RPS3A: variants seen among roughly 807,000 people sequenced by gnomAD.
RPS3A encodes small ribosomal subunit protein eS1.
Under a neutral mutation model 26.4 loss-of-function variants are expected in RPS3A, and 1 was observed. That is an observed-to-expected ratio of 0.04 (90% confidence interval 0.01 to 0.18). The LOEUF is 0.18. Among genes scored for constraint, RPS3A ranks in the 10% least tolerant of loss-of-function variants. The pLI, the probability that RPS3A is intolerant of heterozygous loss-of-function variation, is 1.00. For synonymous variants in RPS3A, 97 were observed against 106.1 expected, an observed-to-expected ratio of 0.91 and a Z score of 0.53; for missense variants, 139 against 326.8, an observed-to-expected ratio of 0.43 and a Z score of 4.43.
intron 1 of RPS3A, 147 bp from the exon 2 acceptor site, chr4:151,100,338 T>C (rs531263902): frequency 2.5e-5 from 15 of 594,492 alleles, no homozygotes; most frequent in African/African-American, 2.4e-4. Context: ...TAGATTTATG[T>C]TTGTTCCCCT....
At chr4:151,102,751 T>A in intron 3 of RPS3A, 120 bp from the exon 4 acceptor site, 1 of 1,139,462 alleles carries the variant, frequency 8.8e-7, no homozygotes, top group Non-Finnish European at 1.2e-6. Context: ...ATGTTACTTA[T>A]GTTAGGATAC....
intron 4 of RPS3A, 161 bp from the exon 5 acceptor site, chr4:151,104,016 A>G: frequency 6.7e-7 from 1 of 1,493,338 alleles, no homozygotes; most frequent in Non-Finnish European, 8.9e-7. Context: ...TTTACATGTG[A>G]AAGGTAAATA....
Position 151,100,562 on chromosome 4 carries a change from C to T in RPS3A, c.140C>T (p.Thr47Met). 6.3e-7 allele frequency: 1 copy of T among 1,598,048 alleles called. No homozygotes were observed. The highest frequency in any genetic ancestry group is 8.6e-7 in the Non-Finnish European group (1 of 1,165,464). Reference protein sequence around the residue: ...AMFNIRNIGKTLVTRTQGTKI... With the variant: ...AMFNIRNIGKMLVTRTQGTKI... ...TTCAATATAAGAAATATTGGAAAGA[C>T]GCTCGTCACCAGGACCCAAGGAACC... The change falls in exon 2 of 6, where the codon ACG becomes ATG. Residue 47 changes from threonine to methionine, a missense_variant. Coordinates refer to ENST00000274065, the MANE Select transcript of RPS3A (RefSeq NM_001006.5).
At chr4:151,104,030 G>A (rs1459192585) in intron 4 of RPS3A, 147 bp from the exon 5 acceptor site, 4 of 1,488,318 alleles carry the variant, frequency 2.7e-6, no homozygotes, top group Admixed American at 2.5e-5. Context: ...GTAAATAATG[G>A]CTTATCTTAA....
At position 151,104,449 on chromosome 4, in the gene RPS3A, T is replaced by TTTG. The variant is rs755244440; in HGVS notation, c.674-21_674-20insGTT. ...ACTAACAGTTTTTTGGTTTTTTTTT[T>TTTG]TTTTTTTTTTTTTGCCTTTTAGTGG... On this transcript the variant is annotated intron_variant, in intron 5 of 5. Transcript: ENST00000274065. The TTTG allele has an allele frequency of 2.2e-5, 30 of 1,393,750 alleles. No homozygotes were observed. The South Asian group carries it at 2.2e-4, about 10-fold the overall frequency. 86.3% of individuals were successfully genotyped at this position (1,393,750 alleles called of 1,614,324 possible).
chr4:151,100,336 T>G (rs1307150772), intron 1 of RPS3A, 149 bp from the exon 2 acceptor site: 14 of 593,308 alleles, frequency 2.4e-5, no homozygotes, highest in Non-Finnish European at 4.2e-5. Context: ...GCTAGATTTA[T>G]GTTTGTTCCC....
intron 3 of RPS3A, among the ~76,000 whole-genome samples, chr4:151,102,377 G>A (rs1487279983): frequency 6.6e-6 from 1 of 152,084 alleles, no homozygotes; most frequent in Non-Finnish European, 1.5e-5. Context: ...CATGGCTTTA[G>A]TTTGGAACAT....
At chr4:151,102,219 T>C (rs1340862938) in intron 3 of RPS3A, 1 of 302,996 alleles carries the variant, frequency 3.3e-6, no homozygotes, top group Non-Finnish European at 6.6e-6. Flanking sequence ...TATACTAAGG[T>C]ATAAAATTTA....
intron 1 of RPS3A, chr4:151,099,947 C>T (rs1293966608): frequency 1.5e-5 from 8 of 546,870 alleles, no homozygotes; most frequent in East Asian, 4.0e-5. Context: ...GCCGGCTTGC[C>T]GGCGCGACTC....
At position 151,101,074 on chromosome 4, in the gene RPS3A, A is replaced by T. The variant is rs1438310950; in HGVS notation, c.266A>T (p.Glu89Val). 1 of 1,598,644 alleles carries T rather than the reference A, an allele frequency of 6.3e-7. No homozygotes were observed. The highest frequency in any genetic ancestry group is 8.5e-7 in the Non-Finnish European group (1 of 1,171,020). ...VAFRKFKLIT[E>V]DVQGKNCLTN... is the part of the protein sequence containing the mutation. ...TTTAGAAAATTCAAGCTGATTACTG[A>T]AGATGTTCAGGGTAAAAACTGCCTG... Residue 89 changes from glutamate to valine, a missense_variant, in exon 3 of 6, where the codon GAA (glutamate) becomes GTA (valine). Physicochemically the swap from Glu to Val is moderately radical, Grantham distance 121. Around this residue, in one of 3 missense-constraint regions of RPS3A, gnomAD observed 8 missense variants for 56.9 expected, o/e 0.14. Transcript: ENST00000274065.
chr4:151,103,871 TAAC>T (rs749383060), intron 4 of RPS3A: 263 of 1,424,244 alleles, frequency 1.8e-4, no homozygotes, highest in African/African-American at 5.1e-4. Context: ...TGGCCAGTGA[TAAC>T]AACATTTTTC....
At chr4:151,100,722 CTGTG>C in intron 2 of RPS3A, 134 bp downstream of exon 2, 1 of 653,898 alleles carries the variant, frequency 1.5e-6, no homozygotes, top group Non-Finnish European at 2.7e-6. Flanking sequence ...GCCTTGGCAC[CTGTG>C]GTGATCATTT....
chr4:151,099,805 G>A lies in RPS3A; in HGVS notation c.62+91G>A, dbSNP rs2149702601. On this transcript the variant is annotated intron_variant, in intron 1 of 5. Transcript: ENST00000274065. ...GATCGCGGCGTAGGCCGGATGGCGA[G>A]GATTCCAGTCGGATTGTGCGGGCCG... is the stretch of plus-strand genomic sequence containing the variant. The A allele has an allele frequency of 3.6e-6, 5 of 1,369,876 alleles. No homozygotes were observed. In the East Asian group the frequency reaches 7.4e-5, roughly 20 times the overall value. 84.9% of individuals were successfully genotyped at this position (1,369,876 alleles called of 1,614,324 possible).
intron 5 of RPS3A, 26 bp from the exon 6 acceptor site, chr4:151,104,439 GTTTTTTT>G (rs386401872): frequency 4.7e-4 from 333 of 710,224 alleles, no homozygotes; most frequent in East Asian, 6.3e-4. Context: ...CAGTTTTTTG[GTTTTTTT>G]TTTTTTTTTT....
chr4:151,103,962 C>G (rs571213692), intron 4 of RPS3A: 1 of 1,520,078 alleles, frequency 6.6e-7, no homozygotes, highest in Non-Finnish European at 8.9e-7. Flanking sequence ...GAAGACTCTA[C>G]TAACTTTGCC....
chr4:151,104,458 T>TTTTTTTTC lies in RPS3A; in HGVS notation c.674-10_674-9insTTTCTTTT. ...TTTTTGGTTTTTTTTTTTTTTTTTT[T>TTTTTTTTC]TTTTGCCTTTTAGTGGGAAAGCTCA... is the stretch of plus-strand genomic sequence containing the variant. On this transcript the variant is annotated splice_polypyrimidine_tract_variant and intron_variant, in intron 5 of 5. Transcript: ENST00000274065. The TTTTTTTTC allele has an allele frequency of 7.0e-7, 1 of 1,436,678 alleles. No individual in the cohort carries two copies. 89.0% of individuals were successfully genotyped at this position (1,436,678 alleles called of 1,614,324 possible). A position where few individuals can be genotyped will look rare whatever the true frequency, so the allele number is the denominator to read the frequency against.
At position 151,104,462 on chromosome 4, in the gene RPS3A, T is replaced by TTTTTTGG; in HGVS notation, c.674-10_674-9insTTTTTGG. The TTTTTTGG allele has an allele frequency of 6.9e-7, 1 of 1,444,092 alleles. No individual in the cohort carries two copies. 89.5% of individuals were successfully genotyped at this position (1,444,092 alleles called of 1,614,324 possible). ...TGGTTTTTTTTTTTTTTTTTTTTTT[T>TTTTTTGG]GCCTTTTAGTGGGAAAGCTCATGGA... On this transcript the variant is annotated splice_polypyrimidine_tract_variant and intron_variant, in intron 5 of 5. Coordinates refer to ENST00000274065, the MANE Select transcript of RPS3A (RefSeq NM_001006.5).
intron 4 of RPS3A, chr4:151,103,299 G>A (rs1196294487): frequency 6.5e-6 from 6 of 917,516 alleles, no homozygotes; most frequent in African/African-American, 5.0e-5. Context: ...GCCCAGGCTC[G>A]AGTGCAGTAT....
At chr4:151,104,148 GA>G in intron 4 of RPS3A, 28 bp from the exon 5 acceptor site, 2 of 1,587,194 alleles carry the variant, frequency 1.3e-6, no homozygotes, top group Non-Finnish European at 1.7e-6. Context: ...AGGACTTTTA[GA>G]AAAAAATTTA....
Sources: allele counts gnomAD v4.1 joint callset (sites outside exome capture counted in the v4.1 genomes callset), GRCh38; gene constraint gnomAD v4.1.1; regional missense constraint gnomAD v4.1.1; transcripts MANE v1.5; gene names NCBI Gene and HGNC (gene_info 2026-07-23, HGNC 2026-07-21).